Variants in FAM133B observed in about 807,000 individuals in gnomAD.
FAM133B encodes the protein family with sequence similarity 133 member B, also known as protein FAM133B.
Under a neutral mutation model 46.4 loss-of-function variants are expected in FAM133B, and 25 were observed. The observed-to-expected ratio is 0.54, with a 90% confidence interval of 0.39 to 0.75. The LOEUF is 0.75. Ranked by LOEUF, FAM133B falls within the 30% of genes least tolerant of loss-of-function variation. The pLI, the probability that FAM133B is intolerant of heterozygous loss-of-function variation, is 0.00. For missense variants in FAM133B, 205 were observed against 277.6 expected, an observed-to-expected ratio of 0.74 and a Z score of 1.86; for synonymous variants, 75 against 86.0, an observed-to-expected ratio of 0.87 and a Z score of 0.71.
chr7:92,572,806 A>T lies in FAM133B; in HGVS notation c.517-2891T>A, dbSNP rs373282761. ...AGCAGCACTATTTGTATTACTGAAA[A>T]ATTAAAACAATCTAGATGTTCATAA... is the stretch of plus-strand genomic sequence containing the variant. On this transcript the variant is annotated intron_variant, in intron 8 of 10. Coordinates refer to ENST00000445716, the MANE Select transcript of FAM133B (RefSeq NM_152789.4). 5.3e-5 allele frequency among the ~76,000 whole-genome samples: 8 copies of T among 152,340 alleles called. No individual in the cohort carries two copies. In the East Asian group the frequency reaches 1.5e-3, roughly 29 times the overall value.
chr7:92,581,546 GC>G lies in FAM133B; in HGVS notation c.81del (p.Pro28GlnfsTer7). The stretch of plus-strand genomic sequence containing the variant: ...CGATTCAGATAATCCTGTATTGTTG[GC>G]CCTGAAGACTGGATTGGACCCCTTG... ...ARSRGPIQSS[G>X]PTIQDYLNRP... On this transcript the variant is annotated frameshift_variant, in exon 2 of 11. Coordinates refer to ENST00000445716, the MANE Select transcript of FAM133B (RefSeq NM_152789.4). LOFTEE classifies it high-confidence loss of function. 2 of 1,613,846 alleles carry G rather than the reference GC, an allele frequency of 1.2e-6. No homozygotes were observed. Among genetic ancestry groups the G allele is most frequent in the Non-Finnish European group, 1.7e-6 (2 of 1,179,818 alleles).
intron 9 of FAM133B, chr7:92,569,467 T>C (rs2116386182): frequency 6.4e-6 from 1 of 155,612 alleles, no homozygotes; most frequent in African/African-American, 2.4e-5. Context: ...TGAGATAGTA[T>C]ATGCAATGTT....
At chr7:92,566,124 T>G in intron 9 of FAM133B, 63 bp from the exon 10 acceptor site, 1 of 1,496,864 alleles carries the variant, frequency 6.7e-7, no homozygotes, top group Non-Finnish European at 9.2e-7. Context: ...TCAAGGCATT[T>G]TTCTTTCATT....
Position 92,585,306 on chromosome 7 carries a change from A to T in FAM133B, c.25-3703T>A, listed in dbSNP as rs115798633. 4.5e-4 allele frequency: 411 copies of T among 903,726 alleles called. 2 individuals carry two copies. The African/African-American group carries it at 7.1e-3, about 16-fold the overall frequency. The allele number at this position is 903,726 out of a possible 1,614,324, so 56.0% of individuals were successfully genotyped here. On this transcript the variant is annotated intron_variant, in intron 1 of 10. Transcript: ENST00000445716. ...TTTCTTGCTCAAATTACCTTTGTTA[A>T]ATTTAACTGGTCTCAGGTTTTTGTT...
At position 92,580,242 on chromosome 7, in the gene FAM133B, TAAAA is replaced by T. The variant is rs61400606; in HGVS notation, c.123-851_123-848del. Among the ~76,000 whole-genome samples, 8 of 126,696 alleles carry T rather than the reference TAAAA, an allele frequency of 6.3e-5. No homozygotes were observed. In the South Asian group the frequency reaches 2.0e-3, roughly 32 times the overall value. 83.1% of individuals were successfully genotyped at this position (126,696 alleles called of 152,430 possible). Reference sequence around the variant, plus strand: ...GCATGTACTACCACATCCAGCTAATTAAAAAAAAAAAAAAAAACACATAAATATT... The same window carrying T: ...GCATGTACTACCACATCCAGCTAATTAAAAAAAAAAAAACACATAAATATT... On this transcript the variant is annotated intron_variant, in intron 2 of 10. Transcript: ENST00000445716.
At chr7:92,573,849 C>G (rs1794611132) in intron 8 of FAM133B, among the ~76,000 whole-genome samples, 1 of 151,392 alleles carries the variant, frequency 6.6e-6, no homozygotes, top group South Asian at 2.1e-4. Flanking sequence ...ATTACAGTTT[C>G]TTTTTTAAGT....
chr7:92,577,897 T>C (rs1794749964), intron 5 of FAM133B, 180 bp from the exon 6 acceptor site: 2 of 657,714 alleles, frequency 3.0e-6, no homozygotes, highest in East Asian at 5.5e-5. Context: ...CTCAACAAGT[T>C]AACATATGTG....
chr7:92,587,550 G>A (rs992968337), intron 1 of FAM133B, among the ~76,000 whole-genome samples: 1 of 152,062 alleles, frequency 6.6e-6, no homozygotes, highest in African/African-American at 2.4e-5. Flanking sequence ...GGGCAGCATG[G>A]TGAAACCCCA....
At chr7:92,569,307 G>A (rs914010400) in intron 9 of FAM133B, among the ~76,000 whole-genome samples, 10 of 152,204 alleles carry the variant, frequency 6.6e-5, no homozygotes, top group Middle Eastern at 3.4e-3. Flanking sequence ...TCTGTCTCAG[G>A]TATGATGCAA....
chr7:92,565,866 C>T, intron 10 of FAM133B, 148 bp downstream of exon 10: 1 of 726,542 alleles, frequency 1.4e-6, no homozygotes, highest in South Asian at 1.8e-5. Context: ...TTCTCCTACC[C>T]ATTAAGTGAA....
At chr7:92,581,081 C>T (rs1196267759) in intron 2 of FAM133B, among the ~76,000 whole-genome samples, 3 of 152,216 alleles carry the variant, frequency 2.0e-5, no homozygotes, top group Non-Finnish European at 4.4e-5. Context: ...TACTCTGATG[C>T]TTTATTTACA....
At chr7:92,579,253 A>G (rs946440800) in intron 3 of FAM133B, 64 bp downstream of exon 3, 2 of 1,407,936 alleles carry the variant, frequency 1.4e-6, no homozygotes, top group Non-Finnish European at 2.0e-6. Flanking sequence ...TGCTGGAATT[A>G]TAGGTATGAG....
chr7:92,576,704 T>C (rs1794707234), intron 7 of FAM133B, among the ~76,000 whole-genome samples: 2 of 152,240 alleles, frequency 1.3e-5, no homozygotes, highest in Non-Finnish European at 2.9e-5. Flanking sequence ...GCCAACTGTG[T>C]GTCTGACAAT....
rs200937544 is a variant in FAM133B at position 92,562,298 on chromosome 7, C to T, written c.728G>A (p.Ser243Asn). The T allele has an allele frequency of 3.4e-5, 52 of 1,533,862 alleles. No homozygotes were observed. Among genetic ancestry groups the T allele is most frequent in the Non-Finnish European group, 4.0e-5 (46 of 1,146,148 alleles). The change falls in exon 11 of 11, where the codon AGT becomes AAT. Residue 243 changes from serine to asparagine, a missense_variant. By Grantham distance (46) the Ser-to-Asn change is conservative. Transcript: ENST00000445716. ...TTCTTAATGTTATGGTGAGTCAGGACTTGAACTAGCAGCCTTCTTTTTCTT... is the reference window on the plus strand; with the variant it reads ...TTCTTAATGTTATGGTGAGTCAGGATTTGAACTAGCAGCCTTCTTTTTCTT... ...KKKKKKAASS[S>N]PDSP is the part of the protein sequence containing the mutation.
intron 1 of FAM133B, among the ~76,000 whole-genome samples, chr7:92,586,269 T>G (rs77366851): frequency 6.6e-6 from 1 of 151,700 alleles, no homozygotes; most frequent in South Asian, 2.1e-4. Context: ...TCAATTATAA[T>G]AGCAATATTT....
At chr7:92,583,490 T>A (rs1794947904) in intron 1 of FAM133B, among the ~76,000 whole-genome samples, 1 of 152,198 alleles carries the variant, frequency 6.6e-6, no homozygotes, top group Non-Finnish European at 1.5e-5. Context: ...AATTAAAACA[T>A]CTGCAAAAAT....
chr7:92,580,677 T>C (rs186703263), intron 2 of FAM133B, among the ~76,000 whole-genome samples: 190 of 152,338 alleles, frequency 1.2e-3, no homozygotes, highest in African/African-American at 4.3e-3. Context: ...TGAGTACGAC[T>C]ATCTGCTGAA....
At chr7:92,562,524 CAT>C (rs1794190988) in intron 10 of FAM133B, among the ~76,000 whole-genome samples, 156 bp from the exon 11 acceptor site, 2 of 152,100 alleles carry the variant, frequency 1.3e-5, no homozygotes, top group African/African-American at 2.4e-5. Context: ...CAACCAGTAT[CAT>C]ATGAGGACTA....
At chr7:92,572,307 T>G (rs945131679) in intron 8 of FAM133B, among the ~76,000 whole-genome samples, 4 of 152,236 alleles carry the variant, frequency 2.6e-5, no homozygotes, top group African/African-American at 9.6e-5. Flanking sequence ...AAGGGTATTT[T>G]TATACACTAG....
Sources: gnomAD v4.1 joint callset for allele counts (sites outside exome capture counted in the v4.1 genomes callset) on GRCh38, gnomAD v4.1.1 for gene constraint, MANE v1.5 for transcripts, NCBI Gene and HGNC (gene_info 2026-07-23, HGNC 2026-07-21) for gene names.